Variants in CREBZF observed in about 807,000 individuals in gnomAD.
CREBZF encodes CREB/ATF bZIP transcription factor, also known as HCF-binding transcription factor Zhangfei.
CREBZF carries 8 observed loss-of-function variants against 21.1 expected under a neutral mutation model. The observed-to-expected ratio is 0.38, with a 90% CI of 0.22 to 0.68. CREBZF has a LOEUF of 0.68. Among genes scored for constraint, CREBZF ranks in the 30% least tolerant of loss-of-function variants. CREBZF has a pLI of 0.51. For missense variants in CREBZF, 518 were observed against 484.3 expected, an observed-to-expected ratio of 1.07 and a Z score of -0.65; for synonymous variants, 270 against 223.3, an observed-to-expected ratio of 1.21 and a Z score of -1.86.
Position 85,658,439 on chromosome 11 carries a change from G to T in CREBZF, c.*5372C>A, listed in dbSNP as rs1441114800. Among the ~76,000 whole-genome samples the T allele has an allele frequency of 1.3e-5, 2 of 151,942 alleles. No homozygotes were observed. The highest frequency in any genetic ancestry group is 2.9e-5 in the Non-Finnish European group (2 of 67,874). ...CCATTAGCAGAAATGGGCAACATAAGCAATAAATCATGTTAAGTCTGTTGC... is the reference window on the plus strand; with the variant it reads ...CCATTAGCAGAAATGGGCAACATAATCAATAAATCATGTTAAGTCTGTTGC... On this transcript the variant is annotated 3_prime_UTR_variant, in exon 1 of 1. Transcript: ENST00000527447.
In CREBZF at chr11:85,658,953, G is replaced by A. The variant is rs893230317; in HGVS notation, c.*4858C>T. Among the ~76,000 whole-genome samples the A allele has an allele frequency of 1.3e-5, 2 of 152,008 alleles. No homozygotes were observed. The highest frequency in any genetic ancestry group is 2.9e-5 in the Non-Finnish European group (2 of 67,912). ...CAACAAAAAGTATGGAATATTTTAA[G>A]ACAATAAAGAGTGACTGGTGTTGAG... On this transcript the variant is annotated 3_prime_UTR_variant, in exon 1 of 1. Transcript: ENST00000527447.
chr11:85,670,833 C>T (rs1055348553), intron 1 of CREBZF, among the ~76,000 whole-genome samples: 4 of 152,106 alleles, frequency 2.6e-5, no homozygotes, highest in Admixed American at 2.6e-4. Flanking sequence ...ATCCCTAGTA[C>T]CTTAGAATGT....
chr11:85,671,811 G>A (rs1300691375), intron 1 of CREBZF, among the ~76,000 whole-genome samples: 3 of 152,208 alleles, frequency 2.0e-5, no homozygotes, highest in African/African-American at 7.2e-5. Flanking sequence ...CAGCTTTCAT[G>A]GGCTGGCATT....
Position 85,660,802 on chromosome 11 carries a change from A to T in CREBZF, c.*3009T>A. On this transcript the variant is annotated 3_prime_UTR_variant, in exon 1 of 1. Transcript: ENST00000527447. The stretch of plus-strand genomic sequence containing the variant: ...ATAGTAGGTCAAAATATGATGTGTT[A>T]GTTCAATTAATGTATGAACTCCTGC... The T allele has an allele frequency of 3.7e-6, 1 of 267,420 alleles. No individual in the cohort carries two copies. Among genetic ancestry groups the T allele is most frequent in the South Asian group, 3.3e-5 (1 of 30,150 alleles). 16.6% of individuals were successfully genotyped at this position (267,420 alleles called of 1,614,324 possible). A position where few individuals can be genotyped will look rare whatever the true frequency, so the allele number is the denominator to read the frequency against.
At chr11:85,682,609 C>CCCCCCCCCCCCCT in intron 1 of CREBZF, 1 of 353,876 alleles carries the variant, frequency 2.8e-6, no homozygotes, top group South Asian at 2.7e-5. Flanking sequence ...GCCCTACTCC[C>CCCCCCCCCCCCCT]CCCAACGCGA....
chr11:85,674,096 C>T (rs1225687927), intron 1 of CREBZF, among the ~76,000 whole-genome samples: 1 of 152,190 alleles, frequency 6.6e-6, no homozygotes, highest in African/African-American at 2.4e-5. Flanking sequence ...AACTTCCAAA[C>T]AAACGTTCTC....
Position 85,663,632 on chromosome 11 carries a change from T to C in CREBZF, c.*179A>G. On this transcript the variant is annotated 3_prime_UTR_variant, in exon 1 of 1. Transcript: ENST00000527447. ...AGAGAGATTTAATAGTCACATGTTA[T>C]CATTAGGAGTTGGTTACTGTGTCAC... 2 of 1,581,200 alleles carry C rather than the reference T, an allele frequency of 1.3e-6. No individual in the cohort carries two copies. Among genetic ancestry groups the C allele is most frequent in the Non-Finnish European group, 1.7e-6 (2 of 1,163,518 alleles).
intron 1 of CREBZF, among the ~76,000 whole-genome samples, chr11:85,680,511 G>C (rs1020828413): frequency 6.6e-6 from 1 of 152,158 alleles, no homozygotes; most frequent in Non-Finnish European, 1.5e-5. Context: ...GGGGAGTAAG[G>C]GTGTTGTGAG....
chr11:85,679,944 A>T (rs924368440), intron 1 of CREBZF, among the ~76,000 whole-genome samples: 1 of 152,226 alleles, frequency 6.6e-6, no homozygotes, highest in East Asian at 1.9e-4. Flanking sequence ...TTTCAATTTT[A>T]CTATATTTTG....
At chr11:85,668,858 C>T (rs1383609360), upstream of CREBZF, among the ~76,000 whole-genome samples, 5 of 150,224 alleles carry the variant, frequency 3.3e-5, no homozygotes, top group Non-Finnish European at 5.9e-5. Flanking sequence ...AAAAATTGGC[C>T]GGGCGTGGTA....
In CREBZF at chr11:85,662,229, G is replaced by T. The variant is rs530762672; in HGVS notation, c.*1582C>A. 73 of 585,236 alleles carry T rather than the reference G, an allele frequency of 1.2e-4. 1 individual carries two copies. In the South Asian group the frequency reaches 1.6e-3, roughly 13 times the overall value. The allele number at this position is 585,236 out of a possible 1,614,324, so 36.3% of individuals were successfully genotyped here. A position where few individuals can be genotyped will look rare whatever the true frequency, so the allele number is the denominator to read the frequency against. ...ACATTTACAGTTGTGCAAGAACAAG[G>T]ATTCCATTTTCATAACCAAATAACA... On this transcript the variant is annotated 3_prime_UTR_variant, in exon 1 of 1. Transcript: ENST00000527447.
At chr11:85,675,640 T>A (rs1422357042) in intron 1 of CREBZF, among the ~76,000 whole-genome samples, 1 of 151,928 alleles carries the variant, frequency 6.6e-6, no homozygotes, top group Non-Finnish European at 1.5e-5. Context: ...CACATGCTGT[T>A]GGAAAAATGG....
rs2082619967 is a variant in CREBZF at position 85,659,695 on chromosome 11, A to T, written c.*4116T>A. ...AACATAATCCAACAAAAATGAAATA[A>T]AACAATCCAGAGTTTTGAGTGTTTT... On this transcript the variant is annotated 3_prime_UTR_variant, in exon 1 of 1. Transcript: ENST00000527447. 1 of 152,098 alleles carries T rather than the reference A, an allele frequency of 6.6e-6. No individual in the cohort carries two copies. The highest frequency in any genetic ancestry group is 1.5e-5 in the Non-Finnish European group (1 of 67,930). The allele number at this position is 152,098 out of a possible 1,614,324, so 9.4% of individuals were successfully genotyped here.
intron 1 of CREBZF, among the ~76,000 whole-genome samples, chr11:85,673,451 A>G (rs1482693982): frequency 6.6e-6 from 1 of 152,240 alleles, no homozygotes; most frequent in Non-Finnish European, 1.5e-5. Flanking sequence ...TGAGTGTGCA[A>G]CAGCATTATG....
At chr11:85,679,788 T>C in intron 1 of CREBZF, among the ~76,000 whole-genome samples, 1 of 152,246 alleles carries the variant, frequency 6.6e-6, no homozygotes, top group Non-Finnish European at 1.5e-5. Flanking sequence ...CCCAGATCTG[T>C]CAGGCCATAT....
At position 85,662,572 on chromosome 11, in the gene CREBZF, A is replaced by T; in HGVS notation, c.*1239T>A. On this transcript the variant is annotated 3_prime_UTR_variant, in exon 1 of 1. Coordinates refer to ENST00000527447, the MANE Select transcript of CREBZF (RefSeq NM_001039618.4). ...ACTGAAGGACACCATAATTCAATTT[A>T]TACAACTGGTTAATAGATTCAAGGG... The T allele has an allele frequency of 1.7e-6, 1 of 582,364 alleles. No individual in the cohort carries two copies. The allele number at this position is 582,364 out of a possible 1,614,324, so 36.1% of individuals were successfully genotyped here.
chr11:85,667,484 A>T (rs552717991), upstream of CREBZF, among the ~76,000 whole-genome samples: 5 of 152,224 alleles, frequency 3.3e-5, no homozygotes, highest in Non-Finnish European at 7.3e-5. Context: ...TGAAGTAGGG[A>T]AAAAATGTTC....
rs1247290622 is a variant in CREBZF, at chr11:85,659,541, A to G, written c.*4270T>C. On this transcript the variant is annotated 3_prime_UTR_variant, in exon 1 of 1. Transcript: ENST00000527447. ...ATGGATTTAATAAGTTTTGAATAATACAATAACCAACTGTATATTTATTAT... is the reference window on the plus strand; with the variant it reads ...ATGGATTTAATAAGTTTTGAATAATGCAATAACCAACTGTATATTTATTAT... Among the ~76,000 whole-genome samples, 6 of 152,202 alleles carry G rather than the reference A, an allele frequency of 3.9e-5. No individual in the cohort carries two copies. The South Asian group carries it at 6.2e-4, about 16-fold the overall frequency.
chr11:85,674,574 T>A (rs762260134), intron 1 of CREBZF, among the ~76,000 whole-genome samples: 21 of 152,218 alleles, frequency 1.4e-4, no homozygotes, highest in Non-Finnish European at 2.4e-4. Context: ...ACCAGCTGCA[T>A]TAGCCCATTA....
Sources: gnomAD v4.1 joint callset for allele counts (sites outside exome capture counted in the v4.1 genomes callset) on GRCh38, gnomAD v4.1.1 for gene constraint, MANE v1.5 for transcripts, NCBI Gene and HGNC (gene_info 2026-07-23, HGNC 2026-07-21) for gene names.